The following FUT8 variants were observed in gnomAD, a reference collection of about 807,000 sequenced individuals.
FUT8 encodes alpha-(1,6)-fucosyltransferase.
In FUT8, 29 loss-of-function variants were observed where a neutral mutation model predicts 71.3. The observed-to-expected ratio is 0.41, with a 90% CI of 0.30 to 0.55. The LOEUF is 0.55. FUT8 is among the 20% of genes least tolerant of loss of function. FUT8 has a pLI of 0.34. For synonymous variants in FUT8, 254 were observed against 239.3 expected (o/e 1.06, Z -0.57); for missense variants, 544 against 702.1 (o/e 0.77, Z 2.55).
At chr14:65,658,777 T>C (rs1270514330) in intron 6 of FUT8, among the ~76,000 whole-genome samples, 2 of 152,028 alleles carry the variant, frequency 1.3e-5, no homozygotes, top group Non-Finnish European at 2.9e-5. Flanking sequence ...TACCTCTAAA[T>C]TGGAAGTATA....
At position 65,643,812 on chromosome 14, in the gene FUT8, G is replaced by A. The variant is rs1192809753; in HGVS notation, c.597+14206G>A. ...ATCCTTTTAACTTTCTTGAATATAC[G>A]TTGAACTTAAATTCAAATTTCTTTA... On this transcript the variant is annotated intron_variant, in intron 6 of 10. Coordinates refer to ENST00000673929, the MANE Select transcript of FUT8 (RefSeq NM_001371533.1). The surrounding 1 kb of genome is among the most constrained non-coding windows in gnomAD (Gnocchi z 4.5). Among the ~76,000 whole-genome samples the A allele has an allele frequency of 6.6e-6, 1 of 151,456 alleles. No homozygotes were observed. The highest frequency in any genetic ancestry group is 1.5e-5 in the Non-Finnish European group (1 of 67,952).
At chr14:65,400,011 T>C in the FUT8 span, among the ~76,000 whole-genome samples, 3 of 152,230 alleles carry the variant, frequency 2.0e-5, no homozygotes, top group Admixed American at 6.5e-5. Flanking sequence ...GATATCATGG[T>C]CAACCCATCT....
At chr14:65,492,883 A>T (rs1354554477) in intron 2 of FUT8, among the ~76,000 whole-genome samples, 3 of 152,004 alleles carry the variant, frequency 2.0e-5, no homozygotes, top group Non-Finnish European at 4.4e-5. Flanking sequence ...CAAAGTAGGA[A>T]TTTTGACCAT....
chr14:65,576,485 T>G (rs1886779060), intron 3 of FUT8, among the ~76,000 whole-genome samples: 1 of 152,058 alleles, frequency 6.6e-6, no homozygotes. Context: ...GTAATATTAT[T>G]CTTAGGCTCT....
intron 2 of FUT8, among the ~76,000 whole-genome samples, chr14:65,534,066 A>G (rs1163032625): frequency 6.6e-6 from 1 of 152,116 alleles, no homozygotes; most frequent in Non-Finnish European, 1.5e-5. Flanking sequence ...GTGTTCATCA[A>G]GGATATTGAC....
At chr14:65,737,010 A>G (rs182045211) in intron 10 of FUT8, among the ~76,000 whole-genome samples, 2 of 152,226 alleles carry the variant, frequency 1.3e-5, no homozygotes, top group African/African-American at 4.8e-5. Flanking sequence ...TACTGCAGGA[A>G]TGAAATGCCA....
chr14:65,439,954 G>GTATACGTATATATATATATATATA (rs1555360999), intron 1 of FUT8, among the ~76,000 whole-genome samples: 9 of 74,974 alleles, frequency 1.2e-4, no homozygotes, highest in Non-Finnish European at 1.7e-4. Flanking sequence ...GTGTGTGTGT[G>GTATACGTATATATATATATATATA]TATATATATA....
intron 6 of FUT8, among the ~76,000 whole-genome samples, chr14:65,666,313 G>A (rs1048844805): frequency 2.0e-5 from 3 of 151,840 alleles, no homozygotes; most frequent in Admixed American, 6.6e-5. Context: ...TATGATTTTT[G>A]GTACTTGTCA....
chr14:65,561,235 CTTG>C (rs1262327690), intron 2 of FUT8, 99 bp from the exon 3 acceptor site: 1 of 229,444 alleles, frequency 4.4e-6, no homozygotes, highest in African/African-American at 2.2e-5. Flanking sequence ...TATCTTCCAA[CTTG>C]TTGGCCAGTC....
chr14:65,686,958 A>G (rs967977836), intron 7 of FUT8, among the ~76,000 whole-genome samples: 15 of 152,162 alleles, frequency 9.9e-5, no homozygotes, highest in African/African-American at 1.7e-4. Flanking sequence ...ATTTTAAACT[A>G]CTTCTTCATA....
chr14:65,600,152 A>G (rs1888221538), intron 3 of FUT8, among the ~76,000 whole-genome samples: 1 of 152,212 alleles, frequency 6.6e-6, no homozygotes, highest in South Asian at 2.1e-4. Flanking sequence ...CTTTCTTTAA[A>G]GATACTCATC....
At chr14:65,363,719 G>A in the FUT8 span, among the ~76,000 whole-genome samples, 1 of 152,236 alleles carries the variant, frequency 6.6e-6, no homozygotes, top group East Asian at 1.9e-4. Context: ...AGTTTACCAT[G>A]CTTAGCTCAC....
chr14:65,424,662 C>T (rs931167643), intron 1 of FUT8, among the ~76,000 whole-genome samples: 3 of 151,348 alleles, frequency 2.0e-5, no homozygotes, highest in South Asian at 2.1e-4. Context: ...CTCAGCCTCC[C>T]GTCTTTTTCT....
At chr14:65,399,005 G>A in the FUT8 span, among the ~76,000 whole-genome samples, 1 of 152,120 alleles carries the variant, frequency 6.6e-6, no homozygotes, top group African/African-American at 2.4e-5. Flanking sequence ...CTGTTACTAA[G>A]TTAAGCTCAT....
chr14:65,400,878 CT>C, the FUT8 span, among the ~76,000 whole-genome samples: 2 of 151,906 alleles, frequency 1.3e-5, no homozygotes, highest in South Asian at 4.1e-4. Flanking sequence ...GTGGGAGACC[CT>C]GTCTCAAAAA....
chr14:65,655,729 C>G (rs1474982523), intron 6 of FUT8, among the ~76,000 whole-genome samples: 1 of 152,050 alleles, frequency 6.6e-6, no homozygotes, highest in African/African-American at 2.4e-5. Context: ...TTGATGGAAG[C>G]ATTAGACCGA....
At chr14:65,674,121 A>G (rs1222335418) in intron 7 of FUT8, among the ~76,000 whole-genome samples, 1 of 152,162 alleles carries the variant, frequency 6.6e-6, no homozygotes, top group Non-Finnish European at 1.5e-5. Flanking sequence ...TAGATATAAT[A>G]TACATATTAG....
chr14:65,738,410 C>T (rs1896330713), intron 10 of FUT8, among the ~76,000 whole-genome samples: 1 of 152,018 alleles, frequency 6.6e-6, no homozygotes, highest in South Asian at 2.1e-4. Flanking sequence ...ATGGATTCCT[C>T]CCCCTTTTTA....
Position 65,421,770 on chromosome 14 carries a change from A to G in FUT8, c.-326+8556A>G, listed in dbSNP as rs565580802. Among the ~76,000 whole-genome samples, 7 of 108,060 alleles carry G rather than the reference A, an allele frequency of 6.5e-5. 1 individual carries two copies. The South Asian group carries it at 1.6e-3, about 25-fold the overall frequency. 70.9% of individuals were successfully genotyped at this position (108,060 alleles called of 152,430 possible). The stretch of plus-strand genomic sequence containing the variant: ...CCCTTTTTTTTTTTTTGCCATATCC[A>G]CAGTCTTTTTCGTGATTTCCTTGAT... On this transcript the variant is annotated intron_variant, in intron 1 of 10. Coordinates refer to ENST00000673929, the MANE Select transcript of FUT8 (RefSeq NM_001371533.1).
Sources: allele counts gnomAD v4.1 joint callset (sites outside exome capture counted in the v4.1 genomes callset), GRCh38; gene constraint gnomAD v4.1.1; non-coding constraint Gnocchi (gnomAD v3.1); transcripts MANE v1.5; gene names NCBI Gene and HGNC (gene_info 2026-07-23, HGNC 2026-07-21).